The following POGLUT1 variants were observed in gnomAD, a reference collection of about 807,000 sequenced individuals.
POGLUT1 encodes the protein 9630046K23Rik.
A neutral mutation model predicts 61.3 loss-of-function variants in POGLUT1; 32 were observed. That is an observed-to-expected ratio of 0.52 (90% confidence interval 0.39 to 0.70). The LOEUF (loss-of-function observed/expected upper bound fraction) is 0.70. POGLUT1 is among the 30% of genes least tolerant of loss of function. POGLUT1 has a pLI of 0.00. For synonymous variants in POGLUT1, 158 were observed against 158.2 expected (o/e 1.00, Z 0.01); for missense variants, 411 against 469.8 (o/e 0.87, Z 1.16).
intron 8 of POGLUT1, chr3:119,490,324 T>C: frequency 1.9e-6 from 1 of 533,058 alleles, no homozygotes; most frequent in Non-Finnish European, 3.4e-6. Flanking sequence ...ATATCCCCTA[T>C]TTTTCCTCAC....
chr3:119,475,567 C>T (rs1258564042), intron 3 of POGLUT1, among the ~76,000 whole-genome samples: 2 of 152,158 alleles, frequency 1.3e-5, no homozygotes, highest in Admixed American at 6.5e-5. Flanking sequence ...TATCCCAGCA[C>T]TTTGGATGGC....
At chr3:119,491,251 T>C (rs1381966940) in intron 9 of POGLUT1, among the ~76,000 whole-genome samples, 2 of 148,270 alleles carry the variant, frequency 1.3e-5, no homozygotes, top group Admixed American at 1.4e-4. Context: ...AATATAAATA[T>C]ACAAAATATA....
At chr3:119,478,359 G>A (rs775000127) in intron 4 of POGLUT1, 12 of 456,576 alleles carry the variant, frequency 2.6e-5, no homozygotes, top group South Asian at 1.7e-4. Context: ...TGTGTTGCAA[G>A]TGGGCAGAGG....
At chr3:119,486,395 AT>A (rs945350120) in intron 6 of POGLUT1, among the ~76,000 whole-genome samples, 34 of 152,068 alleles carry the variant, frequency 2.2e-4, no homozygotes, top group African/African-American at 6.7e-4. Context: ...GTTTTTGTGC[AT>A]TTTTTTTAAA....
At chr3:119,488,786 T>C in intron 7 of POGLUT1, 143 bp from the exon 8 acceptor site, 1 of 438,634 alleles carries the variant, frequency 2.3e-6, no homozygotes, top group Admixed American at 3.5e-5. Context: ...ATTTATATAA[T>C]GGGAATAATA....
intron 7 of POGLUT1, 97 bp downstream of exon 7, chr3:119,487,029 G>C (rs1022266162): frequency 3.7e-6 from 3 of 804,272 alleles, no homozygotes; most frequent in Admixed American, 3.7e-5. Flanking sequence ...TTTCCTGTCA[G>C]TGGTGAGGTG....
intron 5 of POGLUT1, among the ~76,000 whole-genome samples, chr3:119,480,564 A>G (rs2081594389): frequency 1.3e-5 from 2 of 151,760 alleles, no homozygotes; most frequent in Admixed American, 6.6e-5. Context: ...TTTTTAAGTG[A>G]CTAATTTTTA....
chr3:119,493,273 T>C lies in POGLUT1; in HGVS notation c.*835T>C, dbSNP rs2081775521. 6.6e-6 allele frequency: 1 copy of C among 152,338 alleles called. No homozygotes were observed. The highest frequency in any genetic ancestry group is 2.4e-5 in the African/African-American group (1 of 41,452). 9.4% of individuals were successfully genotyped at this position (152,338 alleles called of 1,614,324 possible). A position where few individuals can be genotyped will look rare whatever the true frequency, so the allele number is the denominator to read the frequency against. Reference sequence around the variant, plus strand: ...CTTAAATTGGCCACAGCAGGGGTCATTCACACTCTCACTGTCTTGCAGGAA... The same window carrying C: ...CTTAAATTGGCCACAGCAGGGGTCACTCACACTCTCACTGTCTTGCAGGAA... On this transcript the variant is annotated 3_prime_UTR_variant, in exon 11 of 11. Transcript: ENST00000295588.
intron 5 of POGLUT1, among the ~76,000 whole-genome samples, chr3:119,481,390 G>A (rs565642816): frequency 2.1e-4 from 32 of 152,238 alleles, no homozygotes; most frequent in African/African-American, 7.5e-4. Context: ...AACAACTTTG[G>A]TGCTTAATTA....
intron 4 of POGLUT1, chr3:119,479,813 TGAAAAA>T (rs1267832760): frequency 1.2e-5 from 11 of 910,062 alleles, no homozygotes; most frequent in African/African-American, 1.7e-5. Flanking sequence ...TTGGGGGAAC[TGAAAAA>T]GCTGACCTTT....
rs143930072 is a variant in POGLUT1, at chr3:119,480,539, C to T, written c.578+367C>T. ...CTGGGATTACAGGCGTGAGCCACCG[C>T]GCCCAGCCTATTTATTTTTAAGTGA... On this transcript the variant is annotated intron_variant, in intron 5 of 10. Transcript: ENST00000295588. Among the ~76,000 whole-genome samples, 674 of 151,276 alleles carry T rather than the reference C, an allele frequency of 4.5e-3. 3 individuals carry two copies. The highest frequency in any genetic ancestry group is 8.2e-3 in the Non-Finnish European group (558 of 67,710).
At position 119,469,012 on chromosome 3, in the gene POGLUT1, T is replaced by A. The variant is rs2081430781; in HGVS notation, c.-10T>A. On this transcript the variant is annotated 5_prime_UTR_variant, in exon 1 of 11. Transcript: ENST00000295588. ...GCCGCAGCGGGGAATCTGCAGTAGGTCTGCCGGCGATGGAGTGGTGGGCTA... is the reference window on the plus strand; with the variant it reads ...GCCGCAGCGGGGAATCTGCAGTAGGACTGCCGGCGATGGAGTGGTGGGCTA... 3.7e-6 allele frequency: 6 copies of A among 1,605,150 alleles called. No homozygotes were observed. Among genetic ancestry groups the A allele is most frequent in the Non-Finnish European group, 5.1e-6 (6 of 1,177,120 alleles).
At chr3:119,477,558 T>C in intron 4 of POGLUT1, 110 bp downstream of exon 4, 2 of 1,044,726 alleles carry the variant, frequency 1.9e-6, no homozygotes, top group Non-Finnish European at 2.8e-6. Flanking sequence ...GGATGAGGAC[T>C]GAGGTCCAGA....
At position 119,490,538 on chromosome 3, in the gene POGLUT1, C is replaced by G; in HGVS notation, c.798-13C>G. ...CATATAGTATCAAATGTATTTTGTT[C>G]TTTTTTCCCCAGGTATCTGTTTAAT... On this transcript the variant is annotated splice_polypyrimidine_tract_variant and intron_variant, in intron 8 of 10. Coordinates refer to ENST00000295588, the MANE Select transcript of POGLUT1 (RefSeq NM_152305.3). The G allele has an allele frequency of 6.2e-7, 1 of 1,612,348 alleles. No individual in the cohort carries two copies. Among genetic ancestry groups the G allele is most frequent in the Non-Finnish European group, 8.5e-7 (1 of 1,178,866 alleles).
At chr3:119,469,457 A>C (rs1342189675) in intron 1 of POGLUT1, among the ~76,000 whole-genome samples, 1 of 152,238 alleles carries the variant, frequency 6.6e-6, no homozygotes, top group Non-Finnish European at 1.5e-5. Context: ...GTGTGTGTAT[A>C]TGCGTTGCCA....
rs139427413 is a variant in POGLUT1 at position 119,477,442 on chromosome 3, C to T, written c.450C>T (p.Phe150=). The change falls in exon 4 of 11, where the codon TTC becomes TTT. Residue 150 remains phenylalanine, a synonymous_variant. Coordinates refer to ENST00000295588, the MANE Select transcript of POGLUT1 (RefSeq NM_152305.3). Reference sequence around the variant, plus strand: ...AGCCTGCCATCCCAGTCTTCTCCTTCAGTAAGGTAAGTACAGGGAGAGCCA... The same window carrying T: ...AGCCTGCCATCCCAGTCTTCTCCTTTAGTAAGGTAAGTACAGGGAGAGCCA... The part of the protein sequence containing the change: ...WMEPAIPVFS[F]SKTSEYHDIM... 80 of 1,613,980 alleles carry T rather than the reference C, an allele frequency of 5.0e-5. No homozygotes were observed. In the African/African-American group the frequency reaches 1.0e-3, roughly 20 times the overall value.
At chr3:119,470,931 A>G (rs2081462617) in intron 2 of POGLUT1, among the ~76,000 whole-genome samples, 1 of 152,174 alleles carries the variant, frequency 6.6e-6, no homozygotes. Flanking sequence ...AGAACAAGAG[A>G]GTCAGTGCTA....
At chr3:119,472,984 C>A (rs75325308) in intron 3 of POGLUT1, among the ~76,000 whole-genome samples, 136 of 152,194 alleles carry the variant, frequency 8.9e-4, no homozygotes, top group African/African-American at 3.2e-3. Flanking sequence ...TAAGCCTGAG[C>A]CGTGATTATG....
Position 119,468,992 on chromosome 3 carries a change from A to G in POGLUT1, c.-30A>G. ...GGGGCCGCGCTTCCGCCAGCGCCGC[A>G]GCGGGGAATCTGCAGTAGGTCTGCC... On this transcript the variant is annotated 5_prime_UTR_variant, in exon 1 of 11. Transcript: ENST00000295588. 6.3e-7 allele frequency: 1 copy of G among 1,587,620 alleles called. No individual in the cohort carries two copies. Among genetic ancestry groups the G allele is most frequent in the Non-Finnish European group, 8.6e-7 (1 of 1,166,278 alleles).
Sources: gnomAD v4.1 joint callset for allele counts (sites outside exome capture counted in the v4.1 genomes callset) on GRCh38, gnomAD v4.1.1 for gene constraint, MANE v1.5 for transcripts, NCBI Gene and HGNC (gene_info 2026-07-23, HGNC 2026-07-21) for gene names.